Variants in SGCZ observed in about 807,000 individuals in gnomAD.
SGCZ encodes the protein zeta-sarcoglycan.
In SGCZ, 40 loss-of-function variants were observed where a neutral mutation model predicts 41.3. The ratio of observed to expected loss-of-function variants is 0.97; its 90% CI spans 0.75 to 1.26. SGCZ has a LOEUF of 1.26. SGCZ is among the 50% of genes most tolerant of loss of function. The pLI is 0.00. For missense variants in SGCZ, 552 were observed against 369.8 expected (o/e 1.49, Z -4.04); for synonymous variants, 206 against 137.5 (o/e 1.50, Z -3.49).
At chr8:15,100,875 A>G (rs1344766263) in intron 1 of SGCZ, among the ~76,000 whole-genome samples, 5 of 151,974 alleles carry the variant, frequency 3.3e-5, no homozygotes, top group African/African-American at 7.2e-5. Flanking sequence ...TATGGTCCCA[A>G]CTACACAGGA....
intron 3 of SGCZ, among the ~76,000 whole-genome samples, chr8:14,302,554 C>T (rs1199339525): frequency 1.3e-5 from 2 of 152,132 alleles, no homozygotes; most frequent in African/African-American, 4.8e-5. Context: ...CGATTTCACT[C>T]AATTGCCATT....
chr8:15,209,782 A>T (rs796409755), intron 1 of SGCZ, among the ~76,000 whole-genome samples: 1 of 122,158 alleles, frequency 8.2e-6, no homozygotes, highest in South Asian at 2.8e-4. Context: ...TTAATTAATT[A>T]AAAAAACTTT....
At chr8:14,571,675 G>A (rs1256606965) in intron 1 of SGCZ, among the ~76,000 whole-genome samples, 1 of 151,988 alleles carries the variant, frequency 6.6e-6, no homozygotes, top group African/African-American at 2.4e-5. Flanking sequence ...TCTGTCTTCT[G>A]CCTAATGATC....
chr8:14,314,145 A>T (rs1801639588), intron 3 of SGCZ, among the ~76,000 whole-genome samples: 1 of 152,154 alleles, frequency 6.6e-6, no homozygotes, highest in Admixed American at 6.6e-5. Context: ...CTCCTTTTAA[A>T]GCTGCCCTAA....
intron 1 of SGCZ, among the ~76,000 whole-genome samples, chr8:15,057,098 C>T (rs1804737678): frequency 6.6e-6 from 1 of 152,174 alleles, no homozygotes; most frequent in Non-Finnish European, 1.5e-5. Flanking sequence ...TCGCTGTTCC[C>T]CGATTACCAC....
intron 4 of SGCZ, among the ~76,000 whole-genome samples, chr8:14,200,757 T>C (rs1448418357): frequency 6.6e-6 from 1 of 152,162 alleles, no homozygotes; most frequent in African/African-American, 2.4e-5. Flanking sequence ...TCTTATTAAC[T>C]ATGGCACCCA....
chr8:15,111,102 A>C (rs1807033098), intron 1 of SGCZ, among the ~76,000 whole-genome samples: 1 of 152,168 alleles, frequency 6.6e-6, no homozygotes, highest in South Asian at 2.1e-4. Flanking sequence ...ATAAAGCTGG[A>C]TCAGAAGGCA....
At chr8:14,956,626 G>A (rs1283611278) in intron 1 of SGCZ, among the ~76,000 whole-genome samples, 3 of 151,450 alleles carry the variant, frequency 2.0e-5, no homozygotes, top group Non-Finnish European at 2.9e-5. Flanking sequence ...AGTACCAAAA[G>A]CACACAAAGT....
At chr8:15,208,663 G>A (rs988907874) in intron 1 of SGCZ, among the ~76,000 whole-genome samples, 6 of 152,096 alleles carry the variant, frequency 3.9e-5, no homozygotes, top group Middle Eastern at 6.8e-3. Flanking sequence ...GTCAGTTGAG[G>A]CATTAGAGAT....
intron 1 of SGCZ, among the ~76,000 whole-genome samples, chr8:14,983,043 T>C (rs891561111): frequency 1.3e-5 from 2 of 152,200 alleles, no homozygotes; most frequent in African/African-American, 2.4e-5. Context: ...CTATAAAAAC[T>C]GATAATACAA....
At chr8:14,624,336 G>A (rs547753645) in intron 1 of SGCZ, among the ~76,000 whole-genome samples, 7 of 151,854 alleles carry the variant, frequency 4.6e-5, no homozygotes, top group Admixed American at 2.6e-4. Context: ...ATGTTTCCTC[G>A]GCCAACTTAG....
At chr8:14,608,359 C>T (rs372116336) in intron 1 of SGCZ, among the ~76,000 whole-genome samples, 6 of 151,560 alleles carry the variant, frequency 4.0e-5, no homozygotes, top group Admixed American at 6.6e-5. Context: ...TTTGGCTCAC[C>T]GTTCTGCAGG....
chr8:15,212,166 G>T (rs1369272020), intron 1 of SGCZ, among the ~76,000 whole-genome samples: 5 of 152,034 alleles, frequency 3.3e-5, no homozygotes, highest in Admixed American at 2.6e-4. Flanking sequence ...TTAGTTCTAG[G>T]TTTCCTGTTC....
At chr8:15,001,660 C>T (rs950766919) in intron 1 of SGCZ, among the ~76,000 whole-genome samples, 8 of 134,588 alleles carry the variant, frequency 5.9e-5, no homozygotes, top group Admixed American at 8.4e-5. Context: ...ACCCAGGAGG[C>T]GGAGCTTGGA....
intron 2 of SGCZ, among the ~76,000 whole-genome samples, chr8:14,357,756 G>T (rs1029163722): frequency 1.3e-5 from 2 of 152,116 alleles, no homozygotes; most frequent in African/African-American, 4.8e-5. Flanking sequence ...CTAATTTGCA[G>T]CTGAGAAAAT....
intron 4 of SGCZ, among the ~76,000 whole-genome samples, chr8:14,229,639 A>C: frequency 1.0e-5 from 1 of 99,508 alleles, no homozygotes; most frequent in South Asian, 4.6e-4. Context: ...CTATTACAAC[A>C]TTCTCTAAGT....
chr8:15,063,335 T>C (rs1401700990), intron 1 of SGCZ, among the ~76,000 whole-genome samples: 1 of 152,162 alleles, frequency 6.6e-6, no homozygotes, highest in African/African-American at 2.4e-5. Context: ...TTACTTATAT[T>C]GTTCTTCTAT....
chr8:14,527,189 A>C (rs2117115415), intron 2 of SGCZ, among the ~76,000 whole-genome samples: 1 of 152,300 alleles, frequency 6.6e-6, no homozygotes, highest in Non-Finnish European at 1.5e-5. Context: ...AAAAGAAAGT[A>C]TTAATATGTT....
chr8:14,612,704 T>C lies in SGCZ; in HGVS notation c.40-57778A>G, dbSNP rs1805968656. Among the ~76,000 whole-genome samples, 3 of 152,172 alleles carry C rather than the reference T, an allele frequency of 2.0e-5. No individual in the cohort carries two copies. In the South Asian group the frequency reaches 6.2e-4, roughly 32 times the overall value. On this transcript the variant is annotated intron_variant, in intron 1 of 7. Transcript: ENST00000382080. ...GTTTTGTTTTGTTTTGTTTTGTTTT[T>C]TTAAAAGACTCTCACTCTGTAGCCC... is the stretch of plus-strand genomic sequence containing the variant.
Sources: gnomAD v4.1 joint callset for allele counts (sites outside exome capture counted in the v4.1 genomes callset) on GRCh38, gnomAD v4.1.1 for gene constraint, MANE v1.5 for transcripts, NCBI Gene and HGNC (gene_info 2026-07-23, HGNC 2026-07-21) for gene names.